KIF16B: variants seen among roughly 807,000 people sequenced by gnomAD.
KIF16B encodes the protein kinesin-like protein KIF16B.
A neutral mutation model predicts 156.3 loss-of-function variants in KIF16B; 98 were observed. The ratio of observed to expected loss-of-function variants is 0.63; its 90% CI spans 0.53 to 0.74. The LOEUF is 0.74. KIF16B is among the 30% of genes least tolerant of loss of function. The probability of loss-of-function intolerance (pLI) is 0.00; values close to 1 mark genes in which losing one functional copy is unlikely to be tolerated. For missense variants in KIF16B, 1,421 were observed against 1,606.5 expected, an observed-to-expected ratio of 0.88 and a Z score of 1.97; for synonymous variants, 564 against 583.7, an observed-to-expected ratio of 0.97 and a Z score of 0.49.
At chr20:16,504,956 G>C (rs551251239) in intron 9 of KIF16B, among the ~76,000 whole-genome samples, 6 of 152,096 alleles carry the variant, frequency 3.9e-5, no homozygotes, top group Non-Finnish European at 8.8e-5. Context: ...GATAAGTTTT[G>C]AAAAGGGTCA....
intron 10 of KIF16B, among the ~76,000 whole-genome samples, chr20:16,499,982 T>C (rs954124781): frequency 1.3e-5 from 2 of 152,172 alleles, no homozygotes; most frequent in African/African-American, 4.8e-5. Context: ...TCAAAAACAC[T>C]ATTACAAAAG....
At chr20:16,374,431 A>C (rs775928887) in intron 19 of KIF16B, 22 bp from the exon 20 acceptor site, 8 of 1,496,030 alleles carry the variant, frequency 5.3e-6, no homozygotes, top group South Asian at 1.4e-5. Flanking sequence ...GGAGCCACAT[A>C]ATTCATTCAT....
rs1020864423 is a variant in KIF16B, at chr20:16,487,177, C to T, written c.1302+7114G>A. On this transcript the variant is annotated intron_variant, in intron 12 of 25. Coordinates refer to ENST00000354981, the MANE Select transcript of KIF16B (RefSeq NM_024704.5). ...CTGAGGCAGGAGAATGGCATGAATCCGGAGGCGGAGCTTGCAGTGAGCCAA... is the reference window on the plus strand; with the variant it reads ...CTGAGGCAGGAGAATGGCATGAATCTGGAGGCGGAGCTTGCAGTGAGCCAA... 2.0e-5 allele frequency among the ~76,000 whole-genome samples: 3 copies of T among 151,894 alleles called. No individual in the cohort carries two copies. In the South Asian group the frequency reaches 6.3e-4, roughly 32 times the overall value.
intron 17 of KIF16B, among the ~76,000 whole-genome samples, chr20:16,401,924 C>T (rs1487217382): frequency 1.3e-5 from 2 of 152,206 alleles, no homozygotes; most frequent in African/African-American, 2.4e-5. Context: ...GTATTAAGTA[C>T]ATCTTCAGGT....
chr20:16,394,813 T>C (rs2065452212), intron 17 of KIF16B, among the ~76,000 whole-genome samples: 1 of 152,168 alleles, frequency 6.6e-6, no homozygotes, highest in Non-Finnish European at 1.5e-5. Flanking sequence ...TGTGGTCTTC[T>C]TCCCTCCCAG....
intron 1 of KIF16B, among the ~76,000 whole-genome samples, chr20:16,563,595 T>C (rs940397553): frequency 1.3e-5 from 2 of 152,178 alleles, no homozygotes; most frequent in East Asian, 3.8e-4. Flanking sequence ...AACTGCTATA[T>C]ATCACACAAC....
chr20:16,430,743 C>T (rs888403572), intron 12 of KIF16B, among the ~76,000 whole-genome samples: 1 of 151,864 alleles, frequency 6.6e-6, no homozygotes, highest in African/African-American at 2.4e-5. Context: ...CTTGACCTGC[C>T]ATCTAGATGC....
At chr20:16,367,048 G>T in intron 22 of KIF16B, 1 of 1,401,590 alleles carries the variant, frequency 7.1e-7, no homozygotes. Flanking sequence ...AATTCAATTA[G>T]CTACACGGAG....
At chr20:16,350,257 C>A (rs2064310057) in intron 23 of KIF16B, among the ~76,000 whole-genome samples, 1 of 152,200 alleles carries the variant, frequency 6.6e-6, no homozygotes, top group Non-Finnish European at 1.5e-5. Context: ...GGGGCTGATG[C>A]CCTGCAGCCA....
chr20:16,565,820 T>G, intron 1 of KIF16B, among the ~76,000 whole-genome samples: 1 of 152,194 alleles, frequency 6.6e-6, no homozygotes, highest in East Asian at 1.9e-4. Flanking sequence ...CATCACTGCC[T>G]TTGGGAAAGG....
At chr20:16,446,958 A>AT (rs1355223219) in intron 12 of KIF16B, among the ~76,000 whole-genome samples, 1 of 152,134 alleles carries the variant, frequency 6.6e-6, no homozygotes, top group Non-Finnish European at 1.5e-5. Context: ...CTACTCCCAC[A>AT]TTTTCAGAAC....
intron 24 of KIF16B, among the ~76,000 whole-genome samples, chr20:16,334,642 G>C (rs957678219): frequency 6.6e-6 from 1 of 152,154 alleles, no homozygotes. Flanking sequence ...TGGATCTTGA[G>C]GGCAGATTCC....
chr20:16,457,310 T>C (rs6111139), intron 12 of KIF16B, among the ~76,000 whole-genome samples: 2,603 of 152,310 alleles, frequency 0.017, 72 homozygotes, highest in African/African-American at 0.06. Flanking sequence ...TGACAAATTA[T>C]ACATATTCTG....
Position 16,515,629 on chromosome 20 carries a change from A to T in KIF16B, c.267T>A (p.Ser89=). Residue 89 remains serine, a synonymous_variant, in exon 4 of 26, where the codon TCT becomes TCA. Coordinates refer to ENST00000354981, the MANE Select transcript of KIF16B (RefSeq NM_024704.5). Reference sequence around the variant, plus strand: ...CACAAGCATTATAACCTTCAAATGCAGACTTCACGACATCTGTGCCGAGGG... The same window carrying T: ...CACAAGCATTATAACCTTCAAATGCTGACTTCACGACATCTGTGCCGAGGG... The part of the protein sequence containing the change: ...FKTLGTDVVK[S]AFEGYNACVF... 1 of 1,612,964 alleles carries T rather than the reference A, an allele frequency of 6.2e-7. No individual in the cohort carries two copies. The highest frequency in any genetic ancestry group is 1.3e-5 in the African/African-American group (1 of 75,050).
intron 12 of KIF16B, among the ~76,000 whole-genome samples, chr20:16,477,363 T>A (rs2067850126): frequency 6.6e-6 from 1 of 151,826 alleles, no homozygotes; most frequent in Non-Finnish European, 1.5e-5. Flanking sequence ...GCCACAGTAC[T>A]CTGAGGAGAA....
chr20:16,371,352 C>T (rs1192118129), intron 21 of KIF16B, among the ~76,000 whole-genome samples: 5 of 151,992 alleles, frequency 3.3e-5, no homozygotes, highest in East Asian at 1.9e-4. Flanking sequence ...TTTGGGAAGC[C>T]GAGATGGGCA....
At chr20:16,464,280 T>C (rs893749367) in intron 12 of KIF16B, among the ~76,000 whole-genome samples, 7 of 152,132 alleles carry the variant, frequency 4.6e-5, no homozygotes, top group African/African-American at 1.4e-4. Flanking sequence ...GGGAATATAA[T>C]AGAATGATCA....
intron 23 of KIF16B, among the ~76,000 whole-genome samples, chr20:16,347,908 T>C (rs2064263760): frequency 6.6e-6 from 1 of 152,230 alleles, no homozygotes. Flanking sequence ...GATGTATCTG[T>C]ACAGAGTTTA....
chr20:16,338,807 G>A (rs548939313), intron 23 of KIF16B, among the ~76,000 whole-genome samples: 1 of 152,222 alleles, frequency 6.6e-6, no homozygotes, highest in Non-Finnish European at 1.5e-5. Context: ...ATCATGCCAC[G>A]TTTTCCAATT....
Sources: allele counts gnomAD v4.1 joint callset (sites outside exome capture counted in the v4.1 genomes callset), GRCh38; gene constraint gnomAD v4.1.1; transcripts MANE v1.5; gene names NCBI Gene and HGNC (gene_info 2026-07-23, HGNC 2026-07-21).